Variants in RAB3IL1 observed in about 807,000 individuals in gnomAD.
RAB3IL1 encodes RAB3A interacting protein like 1, also known as guanine nucleotide exchange factor for Rab-3A.
Under a neutral mutation model 49.2 loss-of-function variants are expected in RAB3IL1, and 37 were observed. The observed-to-expected ratio is 0.75, with a 90% confidence interval of 0.58 to 0.99. The LOEUF (loss-of-function observed/expected upper bound fraction) is 0.99, where lower values mean the gene tolerates loss of function less well. Ranked by LOEUF, RAB3IL1 falls within the 50% of genes least tolerant of loss-of-function variation. The pLI is 0.00. For missense variants in RAB3IL1, 484 were observed against 513.0 expected (o/e 0.94, Z 0.55); for synonymous variants, 193 against 213.9 (o/e 0.90, Z 0.85).
chr11:61,905,997 C>T (rs1939163059), intron 5 of RAB3IL1, among the ~76,000 whole-genome samples: 1 of 152,218 alleles, frequency 6.6e-6, no homozygotes, highest in African/African-American at 2.4e-5. Context: ...CTTGTCTCAG[C>T]CCCACAGTCA....
chr11:61,904,922 A>G, intron 5 of RAB3IL1, 40 bp from the exon 6 acceptor site: 1 of 1,485,364 alleles, frequency 6.7e-7, no homozygotes, highest in African/African-American at 1.4e-5. Flanking sequence ...CGGTCAGGGT[A>G]CTGGGGCCAG....
At chr11:61,939,778 T>C in the RAB3IL1 span, among the ~76,000 whole-genome samples, 8 of 152,002 alleles carry the variant, frequency 5.3e-5, no homozygotes, top group African/African-American at 1.9e-4. Context: ...TAAGGAAACC[T>C]TGTCTCTGCT....
upstream of RAB3IL1, among the ~76,000 whole-genome samples, chr11:61,920,744 T>G (rs1019734685): frequency 1.3e-5 from 2 of 152,154 alleles, no homozygotes; most frequent in African/African-American, 4.8e-5. Context: ...ACCAACATGG[T>G]GAAACCCTGT....
At position 61,902,461 on chromosome 11, in the gene RAB3IL1, G is replaced by A. The variant is rs267603069; in HGVS notation, c.980C>T (p.Ser327Leu). ...ACTCACCCTGGCCCGGGAAGATGGC[G>A]AGATGTAGTAATGGCTTTTGGAGTC... Reference protein sequence around the residue: ...LGDSKSHYYISPSSRARITAV... With the variant: ...LGDSKSHYYILPSSRARITAV... The change falls in exon 8 of 10, where the codon TCG becomes TTG. Residue 327 changes from serine (S) to leucine (L), a missense_variant. Transcript: ENST00000394836. The A allele has an allele frequency of 5.6e-6, 9 of 1,597,730 alleles. No individual in the cohort carries two copies. The highest frequency in any genetic ancestry group is 4.5e-5 in the East Asian group (2 of 44,206).
At chr11:61,920,027 G>T, upstream of RAB3IL1, 1 of 1,245,290 alleles carries the variant, frequency 8.0e-7, no homozygotes, top group Non-Finnish European at 1.0e-6. Context: ...CCATGCCCCA[G>T]GTCCTGAGCT....
At chr11:61,916,848 G>GT (rs1035134881) in intron 1 of RAB3IL1, among the ~76,000 whole-genome samples, 20 of 152,094 alleles carry the variant, frequency 1.3e-4, no homozygotes, top group African/African-American at 4.8e-4. Context: ...GGGGCGGGGG[G>GT]GGTTCCCACT....
chr11:61,925,264 A>AGGAGGAAGG (rs1939977340), upstream of RAB3IL1, among the ~76,000 whole-genome samples: 12 of 152,316 alleles, frequency 7.9e-5, no homozygotes, highest in African/African-American at 2.6e-4. Context: ...TCTCTCCACC[A>AGGAGGAAGG]GTCACTCTCT....
upstream of RAB3IL1, among the ~76,000 whole-genome samples, chr11:61,918,629 G>GTGGAGGA (rs1353145085): frequency 1.3e-5 from 2 of 152,250 alleles, no homozygotes; most frequent in Non-Finnish European, 2.9e-5. Flanking sequence ...CTCCACGTTG[G>GTGGAGGA]TGGAGGATGG....
upstream of RAB3IL1, among the ~76,000 whole-genome samples, chr11:61,924,231 G>A (rs922128770): frequency 3.3e-5 from 5 of 152,272 alleles, no homozygotes; most frequent in East Asian, 1.9e-4. Context: ...CCAGGCCTCC[G>A]GAAGCTAAAC....
At position 61,902,481 on chromosome 11, in the gene RAB3IL1, G is replaced by C. The variant is rs761269708; in HGVS notation, c.960C>G (p.Ser320=). 1.1e-5 allele frequency: 18 copies of C among 1,602,788 alleles called. No homozygotes were observed. The East Asian group carries it at 4.1e-4, about 36-fold the overall frequency. ...TCRHRIRLGD[S]KSHYYISPSS... ...ATGGCGAGATGTAGTAATGGCTTTT[G>C]GAGTCCCCGAGCCGGATTCGGTGGC... Residue 320 remains serine (S), a synonymous_variant, in exon 8 of 10, where the codon TCC becomes TCG. Coordinates refer to ENST00000394836, the MANE Select transcript of RAB3IL1 (RefSeq NM_013401.4).
the RAB3IL1 span, among the ~76,000 whole-genome samples, chr11:61,936,364 G>A: frequency 8.5e-5 from 13 of 152,286 alleles, no homozygotes; most frequent in South Asian, 2.1e-4. Context: ...CATTAGAATC[G>A]AACTATTGAA....
At chr11:61,903,914 T>G (rs1326793990) in intron 7 of RAB3IL1, among the ~76,000 whole-genome samples, 1 of 152,034 alleles carries the variant, frequency 6.6e-6, no homozygotes, top group East Asian at 1.9e-4. Context: ...CTCTGCAGCC[T>G]CCACCCCAAT....
chr11:61,904,722 C>G (rs1406610689), intron 6 of RAB3IL1, 32 bp downstream of exon 6: 1 of 1,576,600 alleles, frequency 6.3e-7, no homozygotes, highest in East Asian at 2.3e-5. Context: ...GGGGTGTGTC[C>G]CCCAGCTGGC....
At chr11:61,917,654 G>A (rs992117001), upstream of RAB3IL1, 1 of 834,832 alleles carries the variant, frequency 1.2e-6, no homozygotes. Context: ...CGCTCCCAAG[G>A]CCTGGCCCCA....
rs757395342 is a variant in RAB3IL1, at chr11:61,904,605, C to T, written c.840G>A (p.Pro280=). Residue 280 remains proline, a synonymous_variant, in exon 7 of 10, where the codon CCG becomes CCA. Coordinates refer to ENST00000394836, the MANE Select transcript of RAB3IL1 (RefSeq NM_013401.4). ...AVEDNTLTIE[P]VASQTLPTVK... ...CTGTGGGCAGCGTCTGCGAAGCCAC[C>T]GGCTCAATGGTGAGCGTGTTGTCCT... 123 of 1,613,200 alleles carry T rather than the reference C, an allele frequency of 7.6e-5. 1 individual carries two copies. Among genetic ancestry groups the T allele is most frequent in the Middle Eastern group, 3.3e-4 (2 of 6,084 alleles).
chr11:61,923,174 C>T (rs1488905750), upstream of RAB3IL1, among the ~76,000 whole-genome samples: 6 of 152,196 alleles, frequency 3.9e-5, no homozygotes, highest in Non-Finnish European at 5.9e-5. Context: ...GGATGGGAAG[C>T]TTTGAGGATC....
chr11:61,917,545 G>T lies in RAB3IL1; in HGVS notation c.-178C>A, dbSNP rs534969288. On this transcript the variant is annotated 5_prime_UTR_variant, in exon 1 of 10. Coordinates refer to ENST00000394836, the MANE Select transcript of RAB3IL1 (RefSeq NM_013401.4). ...GGCTCGCGGCCCCCAGCCCAGCCCC[G>T]ACCCTGCCCTGGGCGGGTCACGTGG... is the stretch of plus-strand genomic sequence containing the variant. 5.4e-6 allele frequency: 6 copies of T among 1,107,036 alleles called. No homozygotes were observed. In the South Asian group the frequency reaches 2.6e-4, roughly 49 times the overall value. 68.6% of individuals were successfully genotyped at this position (1,107,036 alleles called of 1,614,324 possible).
In RAB3IL1 at chr11:61,907,561, G is replaced by C; in HGVS notation, c.360+4C>G. ...CAAGTTGTTCCCGCGCCCAGCCGGT[G>C]TACCTCAAACAGGCTGGCCGTCAGC... On this transcript the variant is annotated splice_donor_region_variant and intron_variant, in intron 3 of 9. Transcript: ENST00000394836. 2 of 1,614,044 alleles carry C rather than the reference G, an allele frequency of 1.2e-6. No individual in the cohort carries two copies. Among genetic ancestry groups the C allele is most frequent in the Non-Finnish European group, 1.7e-6 (2 of 1,179,946 alleles).
In RAB3IL1 at chr11:61,898,762, A is replaced by C; in HGVS notation, c.1067-402T>G. The C allele has an allele frequency of 2.1e-6, 1 of 475,210 alleles. No homozygotes were observed. Among genetic ancestry groups the C allele is most frequent in the Non-Finnish European group, 4.2e-6 (1 of 240,088 alleles). The allele number at this position is 475,210 out of a possible 1,614,324, so 29.4% of individuals were successfully genotyped here. On this transcript the variant is annotated intron_variant, in intron 9 of 9. Coordinates refer to ENST00000394836, the MANE Select transcript of RAB3IL1 (RefSeq NM_013401.4). This position sits in a 1 kb window ranked among gnomAD's most constrained non-coding sequence, Gnocchi z 5.1. ...CACAGCGGCCATCCAGGGACCTAGC[A>C]GGTGTCAACACCCAGCATGCCTTGG...
Sources: gnomAD v4.1 joint callset for allele counts (sites outside exome capture counted in the v4.1 genomes callset) on GRCh38, gnomAD v4.1.1 for gene constraint, Gnocchi (gnomAD v3.1) non-coding constraint, MANE v1.5 for transcripts, NCBI Gene and HGNC (gene_info 2026-07-23, HGNC 2026-07-21) for gene names.